The following AHNAK variants were observed in gnomAD, a reference collection of about 807,000 sequenced individuals.
AHNAK encodes the protein neuroblast differentiation-associated protein AHNAK.
In AHNAK, 23 loss-of-function variants were observed where a neutral mutation model predicts 37.8. The ratio of observed to expected loss-of-function variants is 0.61; its 90% CI spans 0.44 to 0.86. AHNAK has a LOEUF of 0.86. Ranked by LOEUF, AHNAK falls within the 40% of genes least tolerant of loss-of-function variation. The probability of loss-of-function intolerance (pLI) is 0.00; values close to 1 mark genes in which losing one functional copy is unlikely to be tolerated. For synonymous variants in AHNAK, 2,481 were observed against 2,636.3 expected, an observed-to-expected ratio of 0.94 and a Z score of 1.80; for missense variants, 7,411 against 7,319.4, an observed-to-expected ratio of 1.01 and a Z score of -0.46.
chr11:62,514,374 C>T (rs1375585456), downstream of AHNAK, among the ~76,000 whole-genome samples: 3 of 152,172 alleles, frequency 2.0e-5, no homozygotes, highest in East Asian at 1.9e-4. Context: ...AGCAGCACCC[C>T]GGGGACAGCC....
At chr11:62,509,557 AAAAG>A (rs906271965) in intron 4 of AHNAK, among the ~76,000 whole-genome samples, 13 of 152,004 alleles carry the variant, frequency 8.6e-5, no homozygotes, top group Admixed American at 2.6e-4. Flanking sequence ...TCTCAAAAAA[AAAAG>A]AAAGAAAGAA....
Position 62,519,722 on chromosome 11 carries a change from G to A in AHNAK, c.14695C>T (p.Leu4899Phe), listed in dbSNP as rs1416833073. The A allele has an allele frequency of 2.5e-6, 4 of 1,613,982 alleles. No individual in the cohort carries two copies. Among genetic ancestry groups the A allele is most frequent in the Middle Eastern group, 3.3e-4 (2 of 6,060 alleles). The change falls in exon 5 of 5, where the codon CTC (leucine) becomes TTC (phenylalanine). Residue 4899 changes from leucine (L) to phenylalanine (F), a missense_variant. Physicochemically the swap from Leu to Phe is conservative, Grantham distance 22. Coordinates refer to ENST00000378024, the MANE Select transcript of AHNAK (RefSeq NM_001620.3). ...RLDFEGPDAK[L>F]SGPSLKMPSL... Reference sequence around the variant, plus strand: ...GGCATCTTCAAAGATGGGCCACTGAGTTTGGCATCAGGGCCTTCGAAATCC... The same window carrying A: ...GGCATCTTCAAAGATGGGCCACTGAATTTGGCATCAGGGCCTTCGAAATCC...
At chr11:62,542,258 T>C (rs1371115028) in intron 1 of AHNAK, among the ~76,000 whole-genome samples, 5 of 152,214 alleles carry the variant, frequency 3.3e-5, no homozygotes, top group African/African-American at 4.8e-5. Flanking sequence ...ACAGTTGTCC[T>C]GCAGGTCCCT....
chr11:62,491,667 G>T, intron 5 of AHNAK: 2 of 1,446,188 alleles, frequency 1.4e-6, no homozygotes, highest in Non-Finnish European at 1.9e-6. Context: ...ATGCCCATCT[G>T]TGATAAAGGG....
At chr11:62,438,334 C>T (rs1470378486) in intron 5 of AHNAK, among the ~76,000 whole-genome samples, 2 of 151,950 alleles carry the variant, frequency 1.3e-5, no homozygotes, top group African/African-American at 4.8e-5. Context: ...AGGTGCCTGC[C>T]ACCACGTCCA....
Position 62,526,098 on chromosome 11 carries a change from C to A in AHNAK, c.8319G>T (p.Lys2773Asn). 1 of 1,613,290 alleles carries A rather than the reference C, an allele frequency of 6.2e-7. No individual in the cohort carries two copies. Among genetic ancestry groups the A allele is most frequent in the Non-Finnish European group, 8.5e-7 (1 of 1,179,848 alleles). Residue 2773 changes from lysine (K) to asparagine (N), a missense_variant, in exon 5 of 5, where the codon AAG becomes AAT. Lys to Asn is a moderately conservative substitution (Grantham distance 94). Coordinates refer to ENST00000378024, the MANE Select transcript of AHNAK (RefSeq NM_001620.3). ...HLKMPKIKMP[K>N]ISMPGFKGEG... ...CTCCTTTGAAGCCAGGCATGCTGAT[C>A]TTGGGCATTTTTATCTTGGGCATCT...
At chr11:62,471,595 T>C (rs1939036332) in intron 5 of AHNAK, among the ~76,000 whole-genome samples, 2 of 152,220 alleles carry the variant, frequency 1.3e-5, no homozygotes, top group South Asian at 4.1e-4. Flanking sequence ...CAAAAAAGTT[T>C]GGGTTTTGGG....
chr11:62,459,508 G>C (rs912444548), intron 5 of AHNAK, among the ~76,000 whole-genome samples: 1 of 152,108 alleles, frequency 6.6e-6, no homozygotes, highest in African/African-American at 2.4e-5. Flanking sequence ...GAAAACTAAA[G>C]TCCAGAAGGG....
At position 62,533,953 on chromosome 11, in the gene AHNAK, C is replaced by T. The variant is rs753417086; in HGVS notation, c.464G>A (p.Arg155Lys). ...ATCCACAGTGTAGGCCGTGACCCTT[C>T]TGGTCACTGTGATGGTACGGCTCTG... is the stretch of plus-strand genomic sequence containing the variant. ...ETQSRTITVT[R>K]RVTAYTVDVT... The change falls in exon 5 of 5, where the codon AGA becomes AAA. Residue 155 changes from arginine to lysine, a missense_variant. Arg to Lys is a conservative substitution (Grantham distance 26). Coordinates refer to ENST00000378024, the MANE Select transcript of AHNAK (RefSeq NM_001620.3). 1 of 1,614,104 alleles carries T rather than the reference C, an allele frequency of 6.2e-7. No individual in the cohort carries two copies. The highest frequency in any genetic ancestry group is 8.5e-7 in the Non-Finnish European group (1 of 1,179,964).
Position 62,518,801 on chromosome 11 carries a change from G to A in AHNAK, c.15616C>T (p.Pro5206Ser), listed in dbSNP as rs764287847. Residue 5206 changes from proline to serine, a missense_variant, in exon 5 of 5, where the codon CCA becomes TCA. Physicochemically the swap from Pro to Ser is moderately conservative, Grantham distance 74. Transcript: ENST00000378024. ...CTGGGGACATCACCCTTTATCTTTG[G>A]TCCTTTCAAGTTTACATTCACATCA... Reference protein sequence around the residue: ...IPDVNVNLKGPKIKGDVPSVG... With the variant: ...IPDVNVNLKGSKIKGDVPSVG... 1 of 1,614,166 alleles carries A rather than the reference G, an allele frequency of 6.2e-7. No homozygotes were observed. The highest frequency in any genetic ancestry group is 1.1e-5 in the South Asian group (1 of 91,090).
exon 6 of AHNAK, chr11:62,433,857 AG>A: frequency 3.1e-6 from 5 of 1,613,884 alleles, no homozygotes; most frequent in Non-Finnish European, 4.2e-6. Flanking sequence ...CAACCTTAAG[AG>A]GGGGTGGTTT....
downstream of AHNAK, among the ~76,000 whole-genome samples, chr11:62,512,217 T>A (rs1939927676): frequency 6.6e-6 from 1 of 152,190 alleles, no homozygotes; most frequent in South Asian, 2.1e-4. This position sits in a 1 kb window ranked among gnomAD's most constrained non-coding sequence, Gnocchi z 4.0. Context: ...CCCGACTCTG[T>A]GCCCCAGGAG....
rs1413372454 is a variant in AHNAK at position 62,524,805 on chromosome 11, G to A, written c.9612C>T (p.Gly3204=). The A allele has an allele frequency of 1.2e-6, 2 of 1,613,944 alleles. No individual in the cohort carries two copies. The highest frequency in any genetic ancestry group is 4.5e-5 in the East Asian group (2 of 44,872). ...TCATCTCTGGCATCTTGAATTTAGG[G>A]CCCTTCAGTTTCGCATCTGGACCTT... ...NIEGPDAKLK[G]PKFKMPEMNI... is the part of the protein sequence containing the mutation. Residue 3204 remains glycine, a synonymous_variant, in exon 5 of 5, where the codon GGC becomes GGT. Coordinates refer to ENST00000378024, the MANE Select transcript of AHNAK (RefSeq NM_001620.3).
In AHNAK at chr11:62,529,787, G is replaced by C; in HGVS notation, c.4630C>G (p.Pro1544Ala). 1 of 1,614,092 alleles carries C rather than the reference G, an allele frequency of 6.2e-7. No homozygotes were observed. The highest frequency in any genetic ancestry group is 8.5e-7 in the Non-Finnish European group (1 of 1,180,040). The change falls in exon 5 of 5, where the codon CCC (proline) becomes GCC (alanine). Residue 1544 changes from proline to alanine, a missense_variant. Physicochemically the swap from Pro to Ala is conservative, Grantham distance 27. Transcript: ENST00000378024. ...LPKADLGVSGPKVDIDVPDVN... is the reference protein window; with the variant it reads ...LPKADLGVSGAKVDIDVPDVN... ...TCTGGAACATCAATGTCCACCTTGGGTCCTGAAACACCAAGGTCAGCCTTG... is the reference window on the plus strand; with the variant it reads ...TCTGGAACATCAATGTCCACCTTGGCTCCTGAAACACCAAGGTCAGCCTTG...
intron 5 of AHNAK, among the ~76,000 whole-genome samples, chr11:62,460,738 C>T (rs1049098790): frequency 6.6e-6 from 1 of 152,000 alleles, no homozygotes; most frequent in Non-Finnish European, 1.5e-5. Flanking sequence ...AACAAAAGAC[C>T]CCTAGGACCC....
At position 62,526,792 on chromosome 11, in the gene AHNAK, G is replaced by A; in HGVS notation, c.7625C>T (p.Ser2542Leu). 1.9e-6 allele frequency: 3 copies of A among 1,613,560 alleles called. No individual in the cohort carries two copies. The highest frequency in any genetic ancestry group is 2.2e-5 in the South Asian group (2 of 91,054). Residue 2542 changes from serine to leucine, a missense_variant, in exon 5 of 5, where the codon TCA (serine) becomes TTA (leucine). By Grantham distance (145) the Ser-to-Leu change is moderately radical. Coordinates refer to ENST00000378024, the MANE Select transcript of AHNAK (RefSeq NM_001620.3). ...VNLPKADVDI[S>L]GPKVDIEGPD... ...GCCTTCAATGTCCACCTTGGGTCCT[G>A]AGATGTCAACGTCAGCCTTAGGCAA... is the stretch of plus-strand genomic sequence containing the variant.
chr11:62,467,632 C>A (rs1238534268), intron 5 of AHNAK, among the ~76,000 whole-genome samples: 1 of 152,162 alleles, frequency 6.6e-6, no homozygotes, highest in Non-Finnish European at 1.5e-5. Context: ...TTGCAGTGAG[C>A]CAAGATCACA....
chr11:62,525,478 T>A lies in AHNAK; in HGVS notation c.8939A>T (p.Asp2980Val), dbSNP rs776108826. Residue 2980 changes from aspartate to valine, a missense_variant, in exon 5 of 5, where the codon GAT becomes GTT. Transcript: ENST00000378024. ...LHLKGPKVKG[D>V]VDISLPKVEG... ...CACTTTGGGCAGAGAAATATCCACATCGCCCTTCACCTTGGGACCTTTCAG... is the reference window on the plus strand; with the variant it reads ...CACTTTGGGCAGAGAAATATCCACAACGCCCTTCACCTTGGGACCTTTCAG... 1.9e-6 allele frequency: 3 copies of A among 1,613,604 alleles called. No homozygotes were observed. Among genetic ancestry groups the A allele is most frequent in the East Asian group, 4.5e-5 (2 of 44,822 alleles).
chr11:62,534,178 G>GCTTCT, intron 4 of AHNAK, 104 bp from the exon 5 acceptor site: 3 of 1,263,874 alleles, frequency 2.4e-6, no homozygotes, highest in Non-Finnish European at 3.2e-6. Flanking sequence ...TCCCAGAGAA[G>GCTTCT]CTGGGACCAA....
Sources: allele counts gnomAD v4.1 joint callset (sites outside exome capture counted in the v4.1 genomes callset), GRCh38; gene constraint gnomAD v4.1.1; non-coding constraint Gnocchi (gnomAD v3.1); transcripts MANE v1.5; gene names NCBI Gene and HGNC (gene_info 2026-07-23, HGNC 2026-07-21).